Variants in KANK1 observed in about 807,000 individuals in gnomAD.
KANK1 encodes KN motif and ankyrin repeat domains 1, also known as KN motif and ankyrin repeat domain-containing protein 1.
KANK1 carries 109 observed loss-of-function variants against 106.2 expected under a neutral mutation model. The ratio of observed to expected loss-of-function variants is 1.03; its 90% CI spans 0.88 to 1.20. The LOEUF (loss-of-function observed/expected upper bound fraction) is 1.20. Ranked by LOEUF, KANK1 falls within the 50% of genes most tolerant of loss-of-function variation. The pLI is 0.00. For missense variants in KANK1, 2,399 were observed against 1,710.7 expected (o/e 1.40, Z -7.10); for synonymous variants, 873 against 652.2 (o/e 1.34, Z -5.16).
intron 3 of KANK1, among the ~76,000 whole-genome samples, chr9:490,237 C>G (rs2058355289): frequency 6.6e-6 from 1 of 152,194 alleles, no homozygotes; most frequent in Non-Finnish European, 1.5e-5. Flanking sequence ...CACAGCAGTT[C>G]ACACCTATAA....
intron 3 of KANK1, among the ~76,000 whole-genome samples, chr9:718,861 AC>A (rs371864428): frequency 1.3e-5 from 2 of 152,008 alleles, no homozygotes; most frequent in Non-Finnish European, 2.9e-5. Flanking sequence ...AGTAGTATGT[AC>A]CAAAAAAGAA....
intron 1 of KANK1, among the ~76,000 whole-genome samples, chr9:587,351 A>G (rs537942620): frequency 5.0e-4 from 76 of 152,190 alleles, no homozygotes; most frequent in Middle Eastern, 3.2e-3. Flanking sequence ...ATAAAAGTGA[A>G]TTGTATTACT....
chr9:496,819 A>C (rs2058465166), intron 3 of KANK1, among the ~76,000 whole-genome samples: 1 of 152,170 alleles, frequency 6.6e-6, no homozygotes, highest in South Asian at 2.1e-4. Flanking sequence ...TAAATAAATA[A>C]ATGTTCTAAA....
At chr9:608,031 A>T (rs202068165) in intron 1 of KANK1, among the ~76,000 whole-genome samples, 26,834 of 86,802 alleles carry the variant, frequency 0.31, 3,806 homozygotes, top group East Asian at 0.56. Flanking sequence ...TATTATTATT[A>T]TTATTTTTTT....
chr9:662,333 G>A (rs1376725440), intron 1 of KANK1, among the ~76,000 whole-genome samples: 1 of 152,084 alleles, frequency 6.6e-6, no homozygotes, highest in African/African-American at 2.4e-5. Context: ...CTACTTTAAA[G>A]TTCATATGGA....
chr9:611,872 C>A (rs751408399), intron 1 of KANK1, among the ~76,000 whole-genome samples: 40 of 152,148 alleles, frequency 2.6e-4, no homozygotes, highest in Non-Finnish European at 4.7e-4. Context: ...GCGCATGCCA[C>A]CACACCCGGC....
In KANK1 at chr9:549,902, G is replaced by T. The variant is rs151219121; in HGVS notation, c.-84+45148G>T. 3.3e-5 allele frequency among the ~76,000 whole-genome samples: 5 copies of T among 152,226 alleles called. No homozygotes were observed. In the East Asian group the frequency reaches 7.7e-4, roughly 24 times the overall value. On this transcript the variant is annotated intron_variant, in intron 1 of 11. Transcript: ENST00000382297. Reference sequence around the variant, plus strand: ...GAGGGTAAAATGAACCTTAATGGAGGTTGGGGGGTGGCACGCACAAAGTCC... The same window carrying T: ...GAGGGTAAAATGAACCTTAATGGAGTTTGGGGGGTGGCACGCACAAAGTCC...
At chr9:572,538 C>T (rs1477919816) in intron 1 of KANK1, among the ~76,000 whole-genome samples, 4 of 151,430 alleles carry the variant, frequency 2.6e-5, no homozygotes, top group Non-Finnish European at 2.9e-5. Context: ...AGTGACAGAG[C>T]GAGACTCCAT....
At position 731,248 on chromosome 9, in the gene KANK1, T is replaced by C. The variant is rs778478739; in HGVS notation, c.2987T>C (p.Phe996Ser). ...DSNGAKKNLQ[F>S]VGINGGYETT... ...AATGGCGCAAAAAAGAATCTTCAGT[T>C]TGTTGGCATTAATGGAGGGTAAGGA... The change falls in exon 5 of 12, where the codon TTT becomes TCT. Residue 996 changes from phenylalanine to serine, a missense_variant. By Grantham distance (155) the Phe-to-Ser change is radical. Transcript: ENST00000382297. The C allele has an allele frequency of 6.2e-7, 1 of 1,602,794 alleles. No homozygotes were observed. The highest frequency in any genetic ancestry group is 2.2e-5 in the East Asian group (1 of 44,780).
chr9:632,081 T>A (rs1483150129), intron 1 of KANK1, among the ~76,000 whole-genome samples: 1 of 152,226 alleles, frequency 6.6e-6, no homozygotes, highest in Non-Finnish European at 1.5e-5. Context: ...TAACAGTCAC[T>A]TAATAAAGGC....
intron 1 of KANK1, among the ~76,000 whole-genome samples, chr9:590,290 G>C (rs1005728567): frequency 6.6e-6 from 1 of 151,306 alleles, no homozygotes; most frequent in Admixed American, 6.6e-5. Context: ...GAGGTGAAGT[G>C]AGGAGATGAT....
At position 745,192 on chromosome 9, in the gene KANK1, G is replaced by A. The variant is rs753199927; in HGVS notation, c.4016G>A (p.Arg1339Lys). 5 of 1,614,100 alleles carry A rather than the reference G, an allele frequency of 3.1e-6. No individual in the cohort carries two copies. The South Asian group carries it at 3.3e-5, about 11-fold the overall frequency. ...AQSPGTPRLG[R>K]KTSPGPTHRG... ...CTCTAGGGCACCCCTAGGCTTGGAA[G>A]GAAGACGTCTCCTGGCCCCACCCAC... is the stretch of plus-strand genomic sequence containing the variant. The change falls in exon 12 of 12, where the codon AGG becomes AAG. Residue 1339 changes from arginine (R) to lysine (K), a missense_variant. By Grantham distance (26) the Arg-to-Lys change is conservative. Coordinates refer to ENST00000382297, the MANE Select transcript of KANK1 (RefSeq NM_015158.5).
intron 2 of KANK1, among the ~76,000 whole-genome samples, chr9:695,512 C>A (rs1196596980): frequency 6.6e-6 from 1 of 152,124 alleles, no homozygotes; most frequent in Non-Finnish European, 1.5e-5. Flanking sequence ...CTCCTTCATA[C>A]ACTCTTAAGA....
At chr9:644,628 C>G (rs1839248919) in intron 1 of KANK1, among the ~76,000 whole-genome samples, 1 of 150,782 alleles carries the variant, frequency 6.6e-6, no homozygotes, top group South Asian at 2.1e-4. Flanking sequence ...AGAACAGCAC[C>G]CAGGGGATGG....
At chr9:619,625 G>T (rs1299850134) in intron 1 of KANK1, among the ~76,000 whole-genome samples, 2 of 152,130 alleles carry the variant, frequency 1.3e-5, no homozygotes, top group Non-Finnish European at 2.9e-5. Flanking sequence ...TGATCCACAA[G>T]AAAGTTTACC....
At chr9:726,905 A>C (rs80354228) in intron 3 of KANK1, among the ~76,000 whole-genome samples, 4,924 of 152,308 alleles carry the variant, frequency 0.032, 215 homozygotes, top group African/African-American at 0.097. Flanking sequence ...GGTTGCAGTG[A>C]GCCAGGATTG....
intron 10 of KANK1, among the ~76,000 whole-genome samples, chr9:743,395 G>A (rs952484806): frequency 2.0e-5 from 3 of 152,186 alleles, no homozygotes; most frequent in Admixed American, 6.5e-5. Context: ...CCCCTCTGTG[G>A]GAGGGAGAGC....
At chr9:496,602 G>T (rs1025895895) in intron 3 of KANK1, among the ~76,000 whole-genome samples, 3 of 152,054 alleles carry the variant, frequency 2.0e-5, no homozygotes, top group East Asian at 1.9e-4. Context: ...ATAAATGAAA[G>T]AAATAAAATT....
intron 1 of KANK1, among the ~76,000 whole-genome samples, chr9:648,078 A>C (rs1458310535): frequency 7.1e-6 from 1 of 141,508 alleles, no homozygotes; most frequent in Non-Finnish European, 1.5e-5. Flanking sequence ...ATCTTGGCTC[A>C]CTGCAACCTC....
Sources: gnomAD v4.1 joint callset for allele counts (sites outside exome capture counted in the v4.1 genomes callset) on GRCh38, gnomAD v4.1.1 for gene constraint, MANE v1.5 for transcripts, NCBI Gene and HGNC (gene_info 2026-07-23, HGNC 2026-07-21) for gene names.